Variants in FBXW11 observed in about 807,000 individuals in gnomAD.
FBXW11 encodes the protein F-box/WD repeat-containing protein 11.
Under a neutral mutation model 77.6 loss-of-function variants are expected in FBXW11, and 19 were observed. The ratio of observed to expected loss-of-function variants is 0.24; its 90% confidence interval spans 0.17 to 0.36. FBXW11 has a LOEUF of 0.36. FBXW11 is among the 10% of genes least tolerant of loss of function. The probability of loss-of-function intolerance (pLI) is 1.00; values close to 1 mark genes in which losing one functional copy is unlikely to be tolerated. For missense variants in FBXW11, 334 were observed against 704.2 expected, an observed-to-expected ratio of 0.47 and a Z score of 5.95; for synonymous variants, 235 against 249.4, an observed-to-expected ratio of 0.94 and a Z score of 0.54.
At chr5:171,916,712 T>C (rs1386079954) in intron 2 of FBXW11, among the ~76,000 whole-genome samples, 1 of 152,126 alleles carries the variant, frequency 6.6e-6, no homozygotes, top group African/African-American at 2.4e-5. Context: ...CAAAGCCGTC[T>C]TGCAAGGCCA....
intron 1 of FBXW11, among the ~76,000 whole-genome samples, chr5:171,993,431 G>A (rs1182682821): frequency 1.3e-5 from 2 of 151,966 alleles, no homozygotes; most frequent in Non-Finnish European, 2.9e-5. Flanking sequence ...GGCCAACAAT[G>A]GTAAAACCCC....
At chr5:172,002,696 C>CTTGT (rs1766485427) in intron 1 of FBXW11, among the ~76,000 whole-genome samples, 13 of 97,054 alleles carry the variant, frequency 1.3e-4, no homozygotes, top group Non-Finnish European at 2.0e-5. Flanking sequence ...TTTTTCTTTT[C>CTTGT]TTTTTTTTTT....
intron 2 of FBXW11, among the ~76,000 whole-genome samples, chr5:171,918,593 T>C (rs1355093067): frequency 6.6e-6 from 1 of 152,208 alleles, no homozygotes; most frequent in Non-Finnish European, 1.5e-5. Context: ...CTTCCTCTTA[T>C]GTCTACCAAG....
intron 1 of FBXW11, among the ~76,000 whole-genome samples, chr5:172,005,025 T>C (rs1264918107): frequency 6.6e-6 from 1 of 152,206 alleles, no homozygotes; most frequent in Non-Finnish European, 1.5e-5. Context: ...GCTACTGTAC[T>C]TCCATTTTTA....
chr5:171,965,833 A>G (rs955447006), intron 1 of FBXW11, among the ~76,000 whole-genome samples: 1 of 152,050 alleles, frequency 6.6e-6, no homozygotes, highest in African/African-American at 2.4e-5. Context: ...CACCCAAATC[A>G]TATCTCGAAT....
At chr5:171,890,680 T>C (rs1290636947) in intron 7 of FBXW11, among the ~76,000 whole-genome samples, 1 of 152,150 alleles carries the variant, frequency 6.6e-6, no homozygotes, top group East Asian at 1.9e-4. Context: ...TATATAATTA[T>C]GGTAGCTTTA....
intron 6 of FBXW11, among the ~76,000 whole-genome samples, chr5:171,895,092 C>T (rs1759654407): frequency 6.6e-6 from 1 of 152,144 alleles, no homozygotes; most frequent in South Asian, 2.1e-4. Flanking sequence ...CCAACTATTA[C>T]CTTAATGCCA....
chr5:171,874,033 A>G (rs1757921142), intron 9 of FBXW11, among the ~76,000 whole-genome samples: 1 of 152,242 alleles, frequency 6.6e-6, no homozygotes, highest in South Asian at 2.1e-4. Flanking sequence ...CATCAAAATT[A>G]AAATCATTTG....
chr5:171,991,580 T>C lies in FBXW11; in HGVS notation c.45+14878A>G, dbSNP rs188456660. Reference sequence around the variant, plus strand: ...ACTCAAGACAGACTGAAAGAACAGATTCCCATTTCCCATCTTAACGTTTGA... The same window carrying C: ...ACTCAAGACAGACTGAAAGAACAGACTCCCATTTCCCATCTTAACGTTTGA... On this transcript the variant is annotated intron_variant, in intron 1 of 13. Transcript: ENST00000517395. 4.6e-5 allele frequency among the ~76,000 whole-genome samples: 7 copies of C among 152,342 alleles called. No individual in the cohort carries two copies. In the East Asian group the frequency reaches 1.4e-3, roughly 29 times the overall value.
At chr5:171,935,824 G>C (rs1762446216) in intron 2 of FBXW11, among the ~76,000 whole-genome samples, 1 of 151,986 alleles carries the variant, frequency 6.6e-6, no homozygotes, top group Non-Finnish European at 1.5e-5. Context: ...GAATAAACAA[G>C]TCTGAGCCAG....
intron 1 of FBXW11, among the ~76,000 whole-genome samples, chr5:171,993,632 G>T (rs1765873470): frequency 1.3e-5 from 2 of 151,954 alleles, no homozygotes; most frequent in South Asian, 4.2e-4. Context: ...GAAAAGAAAA[G>T]AATATACTAA....
chr5:171,912,489 A>C (rs1474656222), intron 3 of FBXW11, among the ~76,000 whole-genome samples: 2 of 152,256 alleles, frequency 1.3e-5, no homozygotes, highest in Admixed American at 6.5e-5. Flanking sequence ...AAGCATAAGA[A>C]TGTCCACCAC....
intron 1 of FBXW11, among the ~76,000 whole-genome samples, chr5:171,998,982 G>T (rs1766248063): frequency 5.9e-5 from 9 of 152,046 alleles, no homozygotes; most frequent in Admixed American, 5.9e-4. Flanking sequence ...TGTTCTGATT[G>T]TTCATATTGT....
intron 1 of FBXW11, chr5:171,997,055 T>C (rs1766095188): frequency 3.1e-6 from 4 of 1,289,684 alleles, no homozygotes; most frequent in African/African-American, 1.5e-5. Context: ...TCGGTAACTG[T>C]TGAAAGACAG....
At chr5:171,871,628 G>A (rs1286108672) in intron 10 of FBXW11, among the ~76,000 whole-genome samples, 1 of 152,038 alleles carries the variant, frequency 6.6e-6, no homozygotes, top group African/African-American at 2.4e-5. Flanking sequence ...TTCCTATTAT[G>A]ACTGATTTTC....
chr5:171,950,078 T>C (rs1763223580), intron 2 of FBXW11, among the ~76,000 whole-genome samples: 3 of 152,320 alleles, frequency 2.0e-5, no homozygotes, highest in Non-Finnish European at 4.4e-5. Context: ...ATCATTAATA[T>C]ATTTATTAAA....
chr5:171,883,662 T>G (rs1758680164), intron 7 of FBXW11, among the ~76,000 whole-genome samples: 1 of 152,210 alleles, frequency 6.6e-6, no homozygotes, highest in South Asian at 2.1e-4. Flanking sequence ...TTGATTTTTT[T>G]ATTATGGCCA....
At chr5:171,972,363 T>C (rs1764581344) in intron 1 of FBXW11, among the ~76,000 whole-genome samples, 1 of 150,014 alleles carries the variant, frequency 6.7e-6, no homozygotes, top group Non-Finnish European at 1.5e-5. Context: ...AAGCCGGGTG[T>C]GGTGGCGCAC....
rs1256414663 is a variant in FBXW11 at position 171,940,179 on chromosome 5, T to C, written c.147+17418A>G. Reference sequence around the variant, plus strand: ...GGGGTTGAGCAAGTGAGTAAATATATTGTGGAAAACCGGAGTCAGGTTTCT... The same window carrying C: ...GGGGTTGAGCAAGTGAGTAAATATACTGTGGAAAACCGGAGTCAGGTTTCT... On this transcript the variant is annotated intron_variant, in intron 2 of 13. Coordinates refer to ENST00000517395, the MANE Select transcript of FBXW11 (RefSeq NM_001378974.1). Among the ~76,000 whole-genome samples, 4 of 152,186 alleles carry C rather than the reference T, an allele frequency of 2.6e-5. No homozygotes were observed. In the East Asian group the frequency reaches 5.8e-4, roughly 22 times the overall value.
Sources: gnomAD v4.1 joint callset for allele counts (sites outside exome capture counted in the v4.1 genomes callset) on GRCh38, gnomAD v4.1.1 for gene constraint, MANE v1.5 for transcripts, NCBI Gene and HGNC (gene_info 2026-07-23, HGNC 2026-07-21) for gene names.